Variants in AGBL4 observed in about 807,000 individuals in gnomAD.
AGBL4 encodes AGBL carboxypeptidase 4.
AGBL4 carries 58 observed loss-of-function variants against 66.4 expected under a neutral mutation model. That is an observed-to-expected ratio of 0.87 (90% CI 0.71 to 1.09). The LOEUF (loss-of-function observed/expected upper bound fraction) is 1.09. Among genes scored for constraint, AGBL4 ranks in the 50% least tolerant of loss-of-function variants. The pLI, the probability that AGBL4 is intolerant of heterozygous loss-of-function variation, is 0.00. For missense variants in AGBL4, 579 were observed against 631.0 expected (o/e 0.92, Z 0.88); for synonymous variants, 234 against 222.9 (o/e 1.05, Z -0.44).
At chr1:49,190,722 C>T (rs1438854149) in intron 4 of AGBL4, among the ~76,000 whole-genome samples, 2 of 152,066 alleles carry the variant, frequency 1.3e-5, no homozygotes, top group African/African-American at 4.8e-5. Context: ...TGTTTTTGTC[C>T]GTTTCCACAA....
chr1:49,841,886 G>A (rs1002849278), intron 2 of AGBL4: 9 of 620,148 alleles, frequency 1.5e-5, no homozygotes, highest in Non-Finnish European at 2.6e-5. Flanking sequence ...AGAAGCCAGG[G>A]CATGACCCCT....
intron 6 of AGBL4, chr1:48,727,852 G>A: frequency 1.9e-6 from 3 of 1,577,640 alleles, no homozygotes; most frequent in Non-Finnish European, 2.6e-6. Context: ...TGCCACACAA[G>A]GAAAACACGA....
intron 3 of AGBL4, among the ~76,000 whole-genome samples, chr1:49,612,106 T>C (rs1377808061): frequency 6.6e-6 from 1 of 152,242 alleles, no homozygotes; most frequent in Non-Finnish European, 1.5e-5. Context: ...CCTTTGGAAA[T>C]CTTCCAAATC....
chr1:48,939,189 A>G (rs924454197), intron 5 of AGBL4, among the ~76,000 whole-genome samples: 5 of 152,218 alleles, frequency 3.3e-5, no homozygotes, highest in Non-Finnish European at 7.3e-5. Context: ...TCATCAGTAT[A>G]TACTTAGCAC....
At chr1:49,548,480 C>A (rs554440768) in intron 3 of AGBL4, among the ~76,000 whole-genome samples, 2 of 152,256 alleles carry the variant, frequency 1.3e-5, no homozygotes, top group African/African-American at 2.4e-5. Context: ...AAGTTTTAAT[C>A]ATAAAGTGAT....
chr1:49,036,338 T>C (rs991877780), intron 5 of AGBL4, among the ~76,000 whole-genome samples: 1 of 152,160 alleles, frequency 6.6e-6, no homozygotes, highest in Admixed American at 6.5e-5. Context: ...CCTATTCTGC[T>C]GTACATGCTT....
At chr1:49,122,377 T>C (rs1000840125) in intron 4 of AGBL4, among the ~76,000 whole-genome samples, 21 of 152,280 alleles carry the variant, frequency 1.4e-4, no homozygotes, top group African/African-American at 3.8e-4. Flanking sequence ...TAGTAATACA[T>C]AAAGTAATGG....
At position 49,335,580 on chromosome 1, in the gene AGBL4, A is replaced by T. The variant is rs1349214917; in HGVS notation, c.283-89716T>A. Among the ~76,000 whole-genome samples the T allele has an allele frequency of 4.6e-5, 7 of 151,714 alleles. No individual in the cohort carries two copies. The South Asian group carries it at 1.5e-3, about 32-fold the overall frequency. On this transcript the variant is annotated intron_variant, in intron 3 of 13. Transcript: ENST00000371839. ...GCCCAGCCTGGAGTGCAGTGGTGCA[A>T]TCTTGGCTCACTGCAAGCTCCGCCT...
At chr1:48,609,646 C>G (rs182137262) in intron 9 of AGBL4, among the ~76,000 whole-genome samples, 6 of 152,296 alleles carry the variant, frequency 3.9e-5, no homozygotes, top group Admixed American at 3.3e-4. Context: ...TGGTCTTGAA[C>G]TCCTAGCCTC....
At chr1:49,814,023 C>T (rs549239662) in intron 2 of AGBL4, among the ~76,000 whole-genome samples, 19 of 152,052 alleles carry the variant, frequency 1.2e-4, no homozygotes, top group Non-Finnish European at 2.6e-4. Flanking sequence ...TGCCTGCTGC[C>T]ATGTAAGAAA....
chr1:48,747,631 C>T (rs1426880416), intron 6 of AGBL4, among the ~76,000 whole-genome samples: 3 of 152,222 alleles, frequency 2.0e-5, no homozygotes, highest in Non-Finnish European at 4.4e-5. Context: ...ATTTACTTTA[C>T]CTCTTTAAGC....
At chr1:48,750,886 T>C (rs1651622558) in intron 6 of AGBL4, among the ~76,000 whole-genome samples, 1 of 152,080 alleles carries the variant, frequency 6.6e-6, no homozygotes, top group Non-Finnish European at 1.5e-5. Context: ...GTCCTAGGAC[T>C]CTAAGAATTA....
intron 11 of AGBL4, chr1:48,585,285 G>C (rs1454416311): frequency 6.6e-6 from 1 of 152,162 alleles, no homozygotes; most frequent in Admixed American, 6.5e-5. Context: ...CCTCTGGAGG[G>C]ACCCTCATCT....
At chr1:49,606,040 T>C (rs1040371010) in intron 3 of AGBL4, among the ~76,000 whole-genome samples, 5 of 152,092 alleles carry the variant, frequency 3.3e-5, no homozygotes, top group African/African-American at 7.2e-5. Flanking sequence ...TTGAGCTCAG[T>C]TAAGATTCCA....
At chr1:49,560,910 A>T (rs1435176302) in intron 3 of AGBL4, among the ~76,000 whole-genome samples, 1 of 152,124 alleles carries the variant, frequency 6.6e-6, no homozygotes, top group African/African-American at 2.4e-5. Flanking sequence ...CAGAAAAACA[A>T]AAGCTGAGGG....
chr1:49,109,297 T>G (rs1645360068), intron 4 of AGBL4, among the ~76,000 whole-genome samples: 1 of 152,186 alleles, frequency 6.6e-6, no homozygotes, highest in African/African-American at 2.4e-5. Context: ...ACCCAGTGAA[T>G]CTAGCACTGG....
intron 7 of AGBL4, among the ~76,000 whole-genome samples, chr1:48,655,397 C>T (rs901852692): frequency 3.3e-5 from 5 of 151,984 alleles, no homozygotes; most frequent in African/African-American, 1.2e-4. Flanking sequence ...AGAGATGATG[C>T]CATCCTGGCC....
At chr1:48,680,276 T>A (rs1646434145) in intron 6 of AGBL4, among the ~76,000 whole-genome samples, 1 of 152,214 alleles carries the variant, frequency 6.6e-6, no homozygotes, top group African/African-American at 2.4e-5. Context: ...TTCTAATTAA[T>A]GTGCAGCACA....
At chr1:49,063,520 T>C (rs1225799115) in intron 4 of AGBL4, among the ~76,000 whole-genome samples, 1 of 152,168 alleles carries the variant, frequency 6.6e-6, no homozygotes, top group Admixed American at 6.6e-5. Flanking sequence ...ATTATATTAG[T>C]TTTGTTCATT....
Sources: allele counts gnomAD v4.1 joint callset (sites outside exome capture counted in the v4.1 genomes callset), GRCh38; gene constraint gnomAD v4.1.1; transcripts MANE v1.5; gene names NCBI Gene and HGNC (gene_info 2026-07-23, HGNC 2026-07-21).